The following TEKT4 variants were observed in gnomAD, a reference collection of about 807,000 sequenced individuals.
TEKT4 encodes the protein tektin 4.
Under a neutral mutation model 46.0 loss-of-function variants are expected in TEKT4, and 46 were observed. That is an observed-to-expected ratio of 1.00 (90% confidence interval 0.79 to 1.28). TEKT4 has a LOEUF of 1.28. TEKT4 is among the 50% of genes most tolerant of loss of function. The probability of loss-of-function intolerance (pLI) is 0.00; values close to 1 mark genes in which losing one functional copy is unlikely to be tolerated. For missense variants in TEKT4, 790 were observed against 622.9 expected, an observed-to-expected ratio of 1.27 and a Z score of -2.85; for synonymous variants, 325 against 265.8, an observed-to-expected ratio of 1.22 and a Z score of -2.17.
chr2:94,874,001 C>G lies in TEKT4; in HGVS notation c.606C>G (p.Asp202Glu). The G allele has an allele frequency of 6.2e-7, 1 of 1,613,908 alleles. No individual in the cohort carries two copies. The highest frequency in any genetic ancestry group is 8.5e-7 in the Non-Finnish European group (1 of 1,179,982). ...NREHKETCEM[D>E]WSDKMEAYNI... is the part of the protein sequence containing the mutation. ...AGCACAAGGAGACCTGCGAGATGGA[C>G]TGGTCAGACAAGATGGAGGCCTACA... The change falls in exon 3 of 6, where the codon GAC (aspartate) becomes GAG (glutamate). Residue 202 changes from aspartate (D) to glutamate (E), a missense_variant. By Grantham distance (45) the Asp-to-Glu change is conservative. Coordinates refer to ENST00000295201, the MANE Select transcript of TEKT4 (RefSeq NM_144705.4).
At chr2:94,872,100 G>C (rs574602864) in intron 1 of TEKT4, 23 bp downstream of exon 1, 1 of 1,514,068 alleles carries the variant, frequency 6.6e-7, no homozygotes, top group South Asian at 1.2e-5. Context: ...TTGGGTGGCC[G>C]GGATTTGTGG....
chr2:94,875,086 A>T, intron 4 of TEKT4, 88 bp downstream of exon 4: 2 of 1,347,406 alleles, frequency 1.5e-6, no homozygotes, highest in Non-Finnish European at 2.0e-6. Flanking sequence ...ATTTATCCCG[A>T]GGGACCCCAG....
intron 4 of TEKT4, 28 bp from the exon 5 acceptor site, chr2:94,875,560 G>A (rs781884453): frequency 4.3e-6 from 7 of 1,613,516 alleles, no homozygotes; most frequent in Admixed American, 1.7e-5. Context: ...TGGGGGCACA[G>A]GCCCAAGGAG....
intron 4 of TEKT4, 123 bp from the exon 5 acceptor site, chr2:94,875,465 G>A (rs111233845): frequency 2.1e-6 from 3 of 1,449,034 alleles, no homozygotes; most frequent in African/African-American, 1.4e-5. Flanking sequence ...GCCTCCCCAG[G>A]GCCACTGGTC....
At chr2:94,872,203 G>C in intron 1 of TEKT4, 126 bp downstream of exon 1, 1 of 1,283,252 alleles carries the variant, frequency 7.8e-7, no homozygotes, top group Non-Finnish European at 1.0e-6. Flanking sequence ...CTGCACGTGA[G>C]ACCCCTGAGT....
chr2:94,872,162 GGCT>G, intron 1 of TEKT4, 85 bp downstream of exon 1: 1 of 1,451,600 alleles, frequency 6.9e-7, no homozygotes, highest in Non-Finnish European at 9.1e-7. Context: ...CAAGCCACGT[GGCT>G]GCTGCAAGCA....
At position 94,874,952 on chromosome 2, in the gene TEKT4, A is replaced by T. The variant is rs1553395932; in HGVS notation, c.890A>T (p.Glu297Val). 6.2e-7 allele frequency: 1 copy of T among 1,611,344 alleles called. No homozygotes were observed. The highest frequency in any genetic ancestry group is 1.1e-5 in the South Asian group (1 of 90,612). ...AVNLAFGRRC[E>V]ELEDARYKLH... Reference sequence around the variant, plus strand: ...AACCTGGCCTTCGGGCGCCGCTGTGAGGAGCTGGAGGACGCGCGGTACAAG... The same window carrying T: ...AACCTGGCCTTCGGGCGCCGCTGTGTGGAGCTGGAGGACGCGCGGTACAAG... The change falls in exon 4 of 6, where the codon GAG (glutamate) becomes GTG (valine). Residue 297 changes from glutamate (E) to valine (V), a missense_variant. Coordinates refer to ENST00000295201, the MANE Select transcript of TEKT4 (RefSeq NM_144705.4).
chr2:94,872,889 G>T, intron 1 of TEKT4: 1 of 1,289,304 alleles, frequency 7.8e-7, no homozygotes, highest in South Asian at 1.2e-5. Context: ...CCGCAACAAG[G>T]GCACCTGCCA....
Position 94,872,059 on chromosome 2 carries a change from G to A in TEKT4, c.480G>A (p.Val160=), listed in dbSNP as rs1316095606. ...REHPNLVRDH[V]ETELLKEAEL... ...ACCCCAACCTCGTGCGCGACCATGT[G>A]GAAACGGAGCTGCTGAAGGTGCCAG... The change falls in exon 1 of 6, where the codon GTG becomes GTA. Residue 160 remains valine, a synonymous_variant. Transcript: ENST00000295201. The A allele has an allele frequency of 2.5e-5, 38 of 1,547,630 alleles. No homozygotes were observed. Among genetic ancestry groups the A allele is most frequent in the Middle Eastern group, 1.7e-4 (1 of 5,958 alleles).
At chr2:94,876,363 C>G (rs1176881183) in intron 5 of TEKT4, among the ~76,000 whole-genome samples, 190 bp from the exon 6 acceptor site, 2 of 152,172 alleles carry the variant, frequency 1.3e-5, no homozygotes, top group African/African-American at 4.8e-5. Context: ...CCCACTCAGG[C>G]CCACGCTCCC....
At chr2:94,874,557 G>A (rs1311403969) in intron 3 of TEKT4, among the ~76,000 whole-genome samples, 1 of 151,630 alleles carries the variant, frequency 6.6e-6, no homozygotes, top group Non-Finnish European at 1.5e-5. Flanking sequence ...AGTGCCCGGG[G>A]TGGGTAGGGT....
rs782055105 is a variant in TEKT4, at chr2:94,874,089, TCCA to T, written c.700_702del (p.Thr234del). The T allele has an allele frequency of 7.4e-6, 12 of 1,613,520 alleles. No homozygotes were observed. In the African/African-American group the frequency reaches 1.5e-4, roughly 20 times the overall value. ...CACCGAGGTGCAGGCTCATCCGTAC[TCCA>T]CCACCTTCCAAGAGAGGTGGGCCCC... On this transcript the variant is annotated inframe_deletion, in exon 3 of 6. Transcript: ENST00000295201.
intron 3 of TEKT4, 131 bp downstream of exon 3, chr2:94,874,239 T>C: frequency 4.0e-6 from 4 of 988,528 alleles, no homozygotes; most frequent in Non-Finnish European, 5.9e-6. Flanking sequence ...TGGGCAACTG[T>C]CTGCCCCTGG....
rs782046554 is a variant in TEKT4 at position 94,874,969 on chromosome 2, C to T, written c.907C>T (p.Arg303Trp). The T allele has an allele frequency of 3.1e-6, 5 of 1,609,244 alleles. No homozygotes were observed. The East Asian group carries it at 8.9e-5, about 29-fold the overall frequency. ...CCGCTGTGAGGAGCTGGAGGACGCG[C>T]GGTACAAGCTGCATCACCACCTGCA... ...GRRCEELEDARYKLHHHLHKT... is the reference protein window; with the variant it reads ...GRRCEELEDAWYKLHHHLHKT... Residue 303 changes from arginine to tryptophan, a missense_variant, in exon 4 of 6, where the codon CGG becomes TGG. Physicochemically the swap from Arg to Trp is moderately radical, Grantham distance 101 (BLOSUM62 -3). Transcript: ENST00000295201.
At chr2:94,875,528 C>T in intron 4 of TEKT4, 60 bp from the exon 5 acceptor site, 10 of 1,602,906 alleles carry the variant, frequency 6.2e-6, no homozygotes, top group Admixed American at 5.0e-5. Context: ...AGCCTGGTCT[C>T]GGCGTTCTAT....
At chr2:94,872,132 C>CT (rs572936830) in intron 1 of TEKT4, 55 bp downstream of exon 1, 10 of 1,475,880 alleles carry the variant, frequency 6.8e-6, no homozygotes, top group East Asian at 2.5e-5. Flanking sequence ...AGGAGCCCCC[C>CT]CCCCCGCAGT....
intron 5 of TEKT4, 121 bp downstream of exon 5, chr2:94,875,863 G>A (rs1680826651): frequency 9.9e-7 from 1 of 1,010,426 alleles, no homozygotes; most frequent in Non-Finnish European, 1.5e-6. Flanking sequence ...AGAGGGGAGG[G>A]AGACTTTGGG....
At position 94,874,932 on chromosome 2, in the gene TEKT4, G is replaced by A; in HGVS notation, c.870G>A (p.Leu290=). ...DLRLQCDAVN[L]AFGRRCEELE... Reference sequence around the variant, plus strand: ...GGCTCCAGTGCGACGCCGTGAACCTGGCCTTCGGGCGCCGCTGTGAGGAGC... The same window carrying A: ...GGCTCCAGTGCGACGCCGTGAACCTAGCCTTCGGGCGCCGCTGTGAGGAGC... The change falls in exon 4 of 6, where the codon CTG becomes CTA. Residue 290 remains leucine, a synonymous_variant. Coordinates refer to ENST00000295201, the MANE Select transcript of TEKT4 (RefSeq NM_144705.4). The A allele has an allele frequency of 1.2e-6, 2 of 1,612,152 alleles. No individual in the cohort carries two copies. Among genetic ancestry groups the A allele is most frequent in the Non-Finnish European group, 1.7e-6 (2 of 1,179,674 alleles).
chr2:94,873,430 C>G, intron 1 of TEKT4, 90 bp from the exon 2 acceptor site: 2 of 1,600,408 alleles, frequency 1.2e-6, no homozygotes, highest in Non-Finnish European at 1.7e-6. Flanking sequence ...CTTGTGGTTG[C>G]TCAGGTGTTG....
Sources: allele counts gnomAD v4.1 joint callset (sites outside exome capture counted in the v4.1 genomes callset), GRCh38; gene constraint gnomAD v4.1.1; transcripts MANE v1.5; gene names NCBI Gene and HGNC (gene_info 2026-07-23, HGNC 2026-07-21).